The following CTNNA3 variants were observed in gnomAD, a reference collection of about 807,000 sequenced individuals.
CTNNA3 encodes catenin alpha-3.
A neutral mutation model predicts 95.7 loss-of-function variants in CTNNA3; 76 were observed. That is an observed-to-expected ratio of 0.79 (90% CI 0.66 to 0.96). The LOEUF (loss-of-function observed/expected upper bound fraction) is 0.96. Among genes scored for constraint, CTNNA3 ranks in the 40% least tolerant of loss-of-function variants. The probability of loss-of-function intolerance (pLI) is 0.00; values close to 1 mark genes in which losing one functional copy is unlikely to be tolerated. For synonymous variants in CTNNA3, 431 were observed against 374.4 expected, an observed-to-expected ratio of 1.15 and a Z score of -1.74; for missense variants, 1,191 against 1,089.8, an observed-to-expected ratio of 1.09 and a Z score of -1.31.
chr10:66,633,729 G>T (rs1845237057), intron 9 of CTNNA3, among the ~76,000 whole-genome samples: 1 of 152,108 alleles, frequency 6.6e-6, no homozygotes, highest in Non-Finnish European at 1.5e-5. Context: ...AAAGTATAAT[G>T]TCCACAGTGA....
chr10:66,751,591 A>G (rs1203271590), intron 9 of CTNNA3, among the ~76,000 whole-genome samples: 1 of 152,190 alleles, frequency 6.6e-6, no homozygotes, highest in African/African-American at 2.4e-5. Flanking sequence ...TGAGAGAATG[A>G]TGGGCTAAGT....
chr10:67,696,532 T>A (rs1840968034), upstream of CTNNA3, among the ~76,000 whole-genome samples: 1 of 152,228 alleles, frequency 6.6e-6, no homozygotes, highest in Non-Finnish European at 1.5e-5. Flanking sequence ...ATCAAGGCCA[T>A]GTGTCACATC....
intron 5 of CTNNA3, among the ~76,000 whole-genome samples, chr10:67,490,808 A>G (rs1224563823): frequency 6.6e-6 from 1 of 152,192 alleles, no homozygotes; most frequent in East Asian, 1.9e-4. Context: ...GAGAAGGGTA[A>G]CAAAGGAATG....
intron 1 of CTNNA3, among the ~76,000 whole-genome samples, chr10:67,685,150 T>C (rs1589564649): frequency 6.6e-6 from 1 of 152,326 alleles, no homozygotes; most frequent in East Asian, 1.9e-4. Context: ...GAGTGTGTGG[T>C]AGTAGGATAA....
chr10:67,021,556 T>G (rs1258303555), intron 7 of CTNNA3, among the ~76,000 whole-genome samples: 1 of 152,094 alleles, frequency 6.6e-6, no homozygotes, highest in Non-Finnish European at 1.5e-5. Flanking sequence ...TGGGTTGCTA[T>G]GTAGCTATCA....
intron 5 of CTNNA3, among the ~76,000 whole-genome samples, chr10:67,450,135 G>A (rs564042372): frequency 1.1e-4 from 17 of 152,198 alleles, no homozygotes; most frequent in African/African-American, 3.6e-4. Context: ...TTATTTAAAA[G>A]TGAAAAAATA....
chr10:67,687,346 C>G (rs1840752843), intron 1 of CTNNA3, among the ~76,000 whole-genome samples: 1 of 152,186 alleles, frequency 6.6e-6, no homozygotes, highest in African/African-American at 2.4e-5. Flanking sequence ...CAGTGATTGC[C>G]TCCGCATAGT....
chr10:67,417,191 G>C (rs957485711), intron 5 of CTNNA3, among the ~76,000 whole-genome samples: 3 of 152,122 alleles, frequency 2.0e-5, no homozygotes, highest in Non-Finnish European at 4.4e-5. Context: ...GCAAATTAAT[G>C]GAGGAACATA....
intron 5 of CTNNA3, among the ~76,000 whole-genome samples, chr10:67,442,026 C>T (rs2132934427): frequency 6.6e-6 from 1 of 152,214 alleles, no homozygotes; most frequent in South Asian, 2.1e-4. Flanking sequence ...AAGGCATAAG[C>T]AGTGCAATAA....
chr10:67,481,811 G>A (rs1848242530), intron 5 of CTNNA3, among the ~76,000 whole-genome samples: 1 of 152,148 alleles, frequency 6.6e-6, no homozygotes. Context: ...TTTTAGACAT[G>A]AAGTCCTTGC....
intron 9 of CTNNA3, among the ~76,000 whole-genome samples, chr10:66,629,391 T>C (rs764568153): frequency 6.6e-6 from 1 of 151,960 alleles, no homozygotes; most frequent in African/African-American, 2.4e-5. Flanking sequence ...CAGTAATATC[T>C]CAAATCATGT....
intron 10 of CTNNA3, among the ~76,000 whole-genome samples, chr10:66,529,067 C>A (rs1841367894): frequency 6.6e-6 from 1 of 151,924 alleles, no homozygotes; most frequent in Non-Finnish European, 1.5e-5. Context: ...TTAAGGCCCT[C>A]AAAACTCTGT....
At chr10:66,574,743 A>AG (rs1842958868) in intron 10 of CTNNA3, among the ~76,000 whole-genome samples, 1 of 152,166 alleles carries the variant, frequency 6.6e-6, no homozygotes, top group Non-Finnish European at 1.5e-5. Context: ...TAAGTGTAAC[A>AG]GTTTTTTTAC....
intron 7 of CTNNA3, among the ~76,000 whole-genome samples, chr10:67,124,177 C>T (rs1157306554): frequency 8.5e-5 from 13 of 152,280 alleles, no homozygotes; most frequent in African/African-American, 2.9e-4. Context: ...GTTCAGACCT[C>T]TCAATTCCAA....
At chr10:67,257,620 A>T (rs1050071695) in intron 5 of CTNNA3, among the ~76,000 whole-genome samples, 1 of 152,160 alleles carries the variant, frequency 6.6e-6, no homozygotes, top group African/African-American at 2.4e-5. Context: ...CACAAAACGC[A>T]AGTACAAAGT....
At chr10:66,978,953 T>G (rs1201241051) in intron 7 of CTNNA3, among the ~76,000 whole-genome samples, 1 of 146,250 alleles carries the variant, frequency 6.8e-6, no homozygotes, top group Admixed American at 7.3e-5. Context: ...CCTCACATAC[T>G]TATTTCCTTT....
chr10:67,554,488 T>C (rs1306058280), intron 3 of CTNNA3, among the ~76,000 whole-genome samples: 1 of 152,234 alleles, frequency 6.6e-6, no homozygotes, highest in African/African-American at 2.4e-5. Context: ...GGTTTTGATT[T>C]GCATTTCTCT....
chr10:66,729,741 A>C (rs1156701288), intron 9 of CTNNA3, among the ~76,000 whole-genome samples: 1 of 152,208 alleles, frequency 6.6e-6, no homozygotes, highest in Non-Finnish European at 1.5e-5. Flanking sequence ...ACACCACAAA[A>C]GAACTTACTC....
intron 15 of CTNNA3, among the ~76,000 whole-genome samples, chr10:66,054,102 C>T (rs972834480): frequency 6.6e-6 from 1 of 152,094 alleles, no homozygotes; most frequent in East Asian, 1.9e-4. Context: ...TGTATATGTA[C>T]CACAATTTCT....
Sources: allele counts gnomAD v4.1 joint callset (sites outside exome capture counted in the v4.1 genomes callset), GRCh38; gene constraint gnomAD v4.1.1; transcripts MANE v1.5; gene names NCBI Gene and HGNC (gene_info 2026-07-23, HGNC 2026-07-21).